FRMPD1: variants seen among roughly 807,000 people sequenced by gnomAD.
The protein encoded by FRMPD1 is FERM and PDZ domain containing 1, also known as FERM and PDZ domain-containing protein 1.
Under a neutral mutation model 117.8 loss-of-function variants are expected in FRMPD1, and 76 were observed. The observed-to-expected ratio is 0.65, with a 90% confidence interval of 0.54 to 0.78. The LOEUF (loss-of-function observed/expected upper bound fraction) is 0.78, where lower values mean the gene tolerates loss of function less well. Among genes scored for constraint, FRMPD1 ranks in the 30% least tolerant of loss-of-function variants. The probability of loss-of-function intolerance (pLI) is 0.00; values close to 1 mark genes in which losing one functional copy is unlikely to be tolerated. For synonymous variants in FRMPD1, 783 were observed against 770.4 expected, an observed-to-expected ratio of 1.02 and a Z score of -0.27; for missense variants, 1,786 against 1,964.5, an observed-to-expected ratio of 0.91 and a Z score of 1.72.
chr9:37,692,818 C>G (rs921688539), intron 2 of FRMPD1, 76 bp downstream of exon 2: 3 of 1,046,192 alleles, frequency 2.9e-6, no homozygotes, highest in Non-Finnish European at 4.5e-6. Flanking sequence ...CTGGTCCTGG[C>G]CGCACCTTGG....
At chr9:37,609,797 C>T in the FRMPD1 span, among the ~76,000 whole-genome samples, 1 of 152,184 alleles carries the variant, frequency 6.6e-6, no homozygotes, top group Non-Finnish European at 1.5e-5. Flanking sequence ...GGCTGTCCTT[C>T]CCTCAGCCTT....
At chr9:37,623,279 G>A in the FRMPD1 span, among the ~76,000 whole-genome samples, 1 of 152,188 alleles carries the variant, frequency 6.6e-6, no homozygotes, top group African/African-American at 2.4e-5. Flanking sequence ...GTTGGGAAAG[G>A]TGCCTGGAAT....
rs371664697 is a variant in FRMPD1 at position 37,744,638 on chromosome 9, A to G, written c.2606A>G (p.Tyr869Cys). ...SLESVDDVCYYDREPYLALGA... is the reference protein window; with the variant it reads ...SLESVDDVCYCDREPYLALGA... ...GAGAGTGTAGACGACGTGTGCTACT[A>G]TGACAGGGAGCCCTACCTGGCCCTT... Residue 869 changes from tyrosine to cysteine, a missense_variant, in exon 16 of 16, where the codon TAT (tyrosine) becomes TGT (cysteine). Physicochemically the swap from Tyr to Cys is radical, Grantham distance 194 (BLOSUM62 -2). Coordinates refer to ENST00000377765, the MANE Select transcript of FRMPD1 (RefSeq NM_014907.3). 9.3e-6 allele frequency: 15 copies of G among 1,613,602 alleles called. No homozygotes were observed. Among genetic ancestry groups the G allele is most frequent in the African/African-American group, 5.3e-5 (4 of 74,808 alleles).
chr9:37,674,503 C>T (rs1259204925), intron 1 of FRMPD1, among the ~76,000 whole-genome samples: 3 of 152,190 alleles, frequency 2.0e-5, no homozygotes, highest in Non-Finnish European at 4.4e-5. Flanking sequence ...GTTCTAAAGT[C>T]GCTTCCACAT....
At chr9:37,603,824 G>A in the FRMPD1 span, among the ~76,000 whole-genome samples, 2 of 152,056 alleles carry the variant, frequency 1.3e-5, no homozygotes, top group Non-Finnish European at 2.9e-5. Flanking sequence ...GCTTACAGGT[G>A]TGTGCCACCA....
chr9:37,726,568 C>T (rs1477223384), intron 7 of FRMPD1, among the ~76,000 whole-genome samples: 1 of 152,038 alleles, frequency 6.6e-6, no homozygotes, highest in Non-Finnish European at 1.5e-5. Flanking sequence ...CATGGTGGTG[C>T]AAGCCTGTAG....
At chr9:37,704,792 A>G (rs1822644456) in intron 2 of FRMPD1, among the ~76,000 whole-genome samples, 2 of 150,470 alleles carry the variant, frequency 1.3e-5, no homozygotes, top group African/African-American at 2.4e-5. Context: ...AGAATTTTTT[A>G]TTTATATTAC....
chr9:37,666,404 G>A (rs1246132910), intron 1 of FRMPD1, among the ~76,000 whole-genome samples: 1 of 152,110 alleles, frequency 6.6e-6, no homozygotes, highest in East Asian at 1.9e-4. Flanking sequence ...CTCCTACCCC[G>A]ATACCTCCAC....
At chr9:37,681,600 C>T (rs1349873545) in intron 1 of FRMPD1, among the ~76,000 whole-genome samples, 4 of 152,218 alleles carry the variant, frequency 2.6e-5, no homozygotes, top group Non-Finnish European at 5.9e-5. Flanking sequence ...AAATGATTGA[C>T]ATTGGAAATG....
At chr9:37,605,899 G>T in the FRMPD1 span, among the ~76,000 whole-genome samples, 1 of 151,940 alleles carries the variant, frequency 6.6e-6, no homozygotes, top group Non-Finnish European at 1.5e-5. Flanking sequence ...TAGAAGCAGG[G>T]TCTCACTTTG....
chr9:37,736,915 G>C (rs995840439), intron 13 of FRMPD1, among the ~76,000 whole-genome samples, 181 bp from the exon 14 acceptor site: 21 of 151,872 alleles, frequency 1.4e-4, no homozygotes, highest in African/African-American at 5.1e-4. Context: ...GTGTCTGTAC[G>C]AGTACATGCA....
At chr9:37,687,975 A>G (rs966496585) in intron 1 of FRMPD1, among the ~76,000 whole-genome samples, 20 of 152,144 alleles carry the variant, frequency 1.3e-4, no homozygotes, top group African/African-American at 4.6e-4. Flanking sequence ...ATGTATTAAT[A>G]TACATGATAT....
At chr9:37,695,904 C>T (rs1291673674) in intron 2 of FRMPD1, among the ~76,000 whole-genome samples, 1 of 152,094 alleles carries the variant, frequency 6.6e-6, no homozygotes, top group Non-Finnish European at 1.5e-5. Flanking sequence ...CATGCTAGCT[C>T]CCAGCTCGAC....
At chr9:37,638,022 T>C in the FRMPD1 span, among the ~76,000 whole-genome samples, 189 of 80,920 alleles carry the variant, frequency 2.3e-3, 19 homozygotes, top group South Asian at 9.9e-3. Flanking sequence ...CTTTCTTTCT[T>C]TCTCTCTCTT....
In FRMPD1 at chr9:37,745,811, TACCA is replaced by T; in HGVS notation, c.3780_3783del (p.Pro1261ValfsTer8). 5 of 1,614,078 alleles carry T rather than the reference TACCA, an allele frequency of 3.1e-6. No homozygotes were observed. Among genetic ancestry groups the T allele is most frequent in the Non-Finnish European group, 4.2e-6 (5 of 1,179,964 alleles). ...CCTGAGCCTTCCCTGCCAGAACCACTACCATGTCCACAAGAGGATCCTCACTTAG... is the reference window on the plus strand; with the variant it reads ...CCTGAGCCTTCCCTGCCAGAACCACTTGTCCACAAGAGGATCCTCACTTAG... On this transcript the variant is annotated frameshift_variant, in exon 16 of 16. Coordinates refer to ENST00000377765, the MANE Select transcript of FRMPD1 (RefSeq NM_014907.3). LOFTEE classifies it high-confidence loss of function.
Position 37,713,428 on chromosome 9 carries a change from T to A in FRMPD1, c.408+2033T>A, listed in dbSNP as rs548317905. ...GAGTTCAAGACCAGCCTGGGCAACA[T>A]GGCAAAATCCCATCTCTACAAACAC... On this transcript the variant is annotated intron_variant, in intron 5 of 15. Transcript: ENST00000377765. Among the ~76,000 whole-genome samples, 6 of 152,142 alleles carry A rather than the reference T, an allele frequency of 3.9e-5. No homozygotes were observed. In the South Asian group the frequency reaches 1.2e-3, roughly 32 times the overall value.
chr9:37,732,442 T>G lies in FRMPD1; in HGVS notation c.995+2T>G. ...GAAGATCTCTTTAAAGTATATAGAG[T>G]GAGTGGCAGGGGATGGCAGCTGCAT... On this transcript the variant is annotated splice_donor_variant, in intron 10 of 15. Coordinates refer to ENST00000377765, the MANE Select transcript of FRMPD1 (RefSeq NM_014907.3). LOFTEE classifies it high-confidence loss of function. 4 of 1,590,622 alleles carry G rather than the reference T, an allele frequency of 2.5e-6. No individual in the cohort carries two copies. The highest frequency in any genetic ancestry group is 3.4e-6 in the Non-Finnish European group (4 of 1,167,382).
chr9:37,673,564 G>A (rs917721259), intron 1 of FRMPD1, among the ~76,000 whole-genome samples: 2 of 152,230 alleles, frequency 1.3e-5, no homozygotes, highest in Non-Finnish European at 2.9e-5. Context: ...TAGGGACTGT[G>A]TATGGGGGCT....
At chr9:37,635,673 C>T in the FRMPD1 span, among the ~76,000 whole-genome samples, 1 of 152,174 alleles carries the variant, frequency 6.6e-6, no homozygotes, top group African/African-American at 2.4e-5. Context: ...CATGGCTTCT[C>T]AGGGAGACCA....
Sources: gnomAD v4.1 joint callset for allele counts (sites outside exome capture counted in the v4.1 genomes callset) on GRCh38, gnomAD v4.1.1 for gene constraint, MANE v1.5 for transcripts, NCBI Gene and HGNC (gene_info 2026-07-23, HGNC 2026-07-21) for gene names.